The following SPAG16 variants were observed in gnomAD, a reference collection of about 807,000 sequenced individuals.
SPAG16 encodes sperm-associated antigen 16 protein.
SPAG16 carries 86 observed loss-of-function variants against 80.4 expected under a neutral mutation model. That is an observed-to-expected ratio of 1.07 (90% CI 0.90 to 1.28). The LOEUF (loss-of-function observed/expected upper bound fraction) is 1.28, where lower values mean the gene tolerates loss of function less well. Ranked by LOEUF, SPAG16 falls within the 50% of genes most tolerant of loss-of-function variation. The pLI, the probability that SPAG16 is intolerant of heterozygous loss-of-function variation, is 0.00. For missense variants in SPAG16, 870 were observed against 765.3 expected, an observed-to-expected ratio of 1.14 and a Z score of -1.61; for synonymous variants, 294 against 265.9, an observed-to-expected ratio of 1.11 and a Z score of -1.03.
chr2:213,906,482 C>A (rs2077439434), intron 11 of SPAG16, among the ~76,000 whole-genome samples: 1 of 152,058 alleles, frequency 6.6e-6, no homozygotes, highest in African/African-American at 2.4e-5. Flanking sequence ...TATCAAAATA[C>A]CAATTACATT....
chr2:213,934,165 T>G (rs893678792), intron 12 of SPAG16, among the ~76,000 whole-genome samples: 3 of 152,196 alleles, frequency 2.0e-5, no homozygotes, highest in African/African-American at 7.2e-5. Context: ...GGAACTTTCT[T>G]CAGTACCACG....
At chr2:213,820,266 G>A (rs1385901345) in intron 10 of SPAG16, among the ~76,000 whole-genome samples, 1 of 152,052 alleles carries the variant, frequency 6.6e-6, no homozygotes, top group Non-Finnish European at 1.5e-5. Context: ...GCAGAGATTG[G>A]GTTTTGCCAC....
intron 10 of SPAG16, among the ~76,000 whole-genome samples, chr2:213,601,050 A>G (rs2061043101): frequency 6.6e-6 from 1 of 152,188 alleles, no homozygotes; most frequent in Non-Finnish European, 1.5e-5. Flanking sequence ...AGGAGAGTAA[A>G]TGATTGTAGG....
rs144354010 is a variant in SPAG16, at chr2:214,040,948, A to G, written c.1527+26871A>G. Among the ~76,000 whole-genome samples, 301 of 152,108 alleles carry G rather than the reference A, an allele frequency of 2.0e-3. 1 individual carries two copies. The highest frequency in any genetic ancestry group is 7.0e-3 in the African/African-American group (292 of 41,538). The stretch of plus-strand genomic sequence containing the variant: ...TTAATTCTTTTCCATTATTTTACTT[A>G]TATTCCTTGGAGACTCCAGTTATAG... On this transcript the variant is annotated intron_variant, in intron 13 of 15. Transcript: ENST00000331683.
intron 15 of SPAG16, among the ~76,000 whole-genome samples, chr2:214,389,877 G>A (rs1318939163): frequency 6.6e-6 from 1 of 152,116 alleles, no homozygotes; most frequent in Non-Finnish European, 1.5e-5. Flanking sequence ...TCTTCAGTTA[G>A]GGCATTAGTC....
intron 14 of SPAG16, among the ~76,000 whole-genome samples, chr2:214,110,965 C>T (rs1339562114): frequency 1.3e-5 from 2 of 151,932 alleles, no homozygotes; most frequent in Non-Finnish European, 2.9e-5. Context: ...CCTTTGCCCA[C>T]TTTTTGATGG....
intron 5 of SPAG16, among the ~76,000 whole-genome samples, chr2:213,329,127 A>G (rs1193069724): frequency 2.0e-5 from 3 of 152,166 alleles, no homozygotes; most frequent in Non-Finnish European, 4.4e-5. Flanking sequence ...AGTCTCAGGT[A>G]TGTCTTTATC....
chr2:213,359,930 G>C (rs1037313015), intron 7 of SPAG16, among the ~76,000 whole-genome samples: 1 of 152,030 alleles, frequency 6.6e-6, no homozygotes, highest in African/African-American at 2.4e-5. Flanking sequence ...AAATTCTAAA[G>C]AGCTAATTTC....
intron 15 of SPAG16, among the ~76,000 whole-genome samples, chr2:214,218,265 G>T (rs563803146): frequency 6.6e-6 from 1 of 152,082 alleles, no homozygotes; most frequent in South Asian, 2.1e-4. Context: ...GAAAAGGGAC[G>T]GCCTCGAGGT....
chr2:213,285,830 G>T lies in SPAG16; in HGVS notation c.136+1211G>T, dbSNP rs2062034371. ...TATACTGTTTTCGTAGATGTAACAG[G>T]CAGTCTTTTCCAGTGATATTCCTCT... On this transcript the variant is annotated intron_variant, in intron 1 of 15. Coordinates refer to ENST00000331683, the MANE Select transcript of SPAG16 (RefSeq NM_024532.5). 14 of 1,114,136 alleles carry T rather than the reference G, an allele frequency of 1.3e-5. No individual in the cohort carries two copies. The South Asian group carries it at 1.4e-4, about 11-fold the overall frequency. The allele number at this position is 1,114,136 out of a possible 1,614,324, so 69.0% of individuals were successfully genotyped here. A position where few individuals can be genotyped will look rare whatever the true frequency, so the allele number is the denominator to read the frequency against.
At chr2:213,668,841 G>A (rs1399048733) in intron 10 of SPAG16, among the ~76,000 whole-genome samples, 1 of 151,972 alleles carries the variant, frequency 6.6e-6, no homozygotes, top group African/African-American at 2.4e-5. Context: ...GTAAAGACGG[G>A]GTTTCACTGT....
In SPAG16 at chr2:213,340,244, A is replaced by T. The variant is rs764922665; in HGVS notation, c.618A>T (p.Lys206Asn). 3.1e-6 allele frequency: 5 copies of T among 1,610,712 alleles called. No homozygotes were observed. The highest frequency in any genetic ancestry group is 3.4e-6 in the Non-Finnish European group (4 of 1,177,996). The change falls in exon 6 of 16, where the codon AAA becomes AAT. Residue 206 changes from lysine to asparagine, a missense_variant. Physicochemically the swap from Lys to Asn is moderately conservative, Grantham distance 94. Coordinates refer to ENST00000331683, the MANE Select transcript of SPAG16 (RefSeq NM_024532.5). ...ATCATAAGCGAATAGTCCAGGAAAA[A>T]AACAAATTAATTAATGACCTCAAAG... is the stretch of plus-strand genomic sequence containing the variant. ...RMHHKRIVQE[K>N]NKLINDLKGL...
chr2:213,422,250 G>A (rs1404079453), intron 9 of SPAG16: 2 of 701,962 alleles, frequency 2.8e-6, no homozygotes, highest in Non-Finnish European at 5.2e-6. Context: ...ATGTTTCCAA[G>A]CATCCAGACG....
chr2:213,292,685 C>CAACAACA lies in SPAG16; in HGVS notation c.137-3377_137-3376insCAACAAA, dbSNP rs1449000054. Among the ~76,000 whole-genome samples the CAACAACA allele has an allele frequency of 7.6e-4, 70 of 91,626 alleles. 1 individual carries two copies. The highest frequency in any genetic ancestry group is 3.3e-4 in the Non-Finnish European group (14 of 41,808). The allele number at this position is 91,626 out of a possible 152,430, so 60.1% of individuals were successfully genotyped here. A position where few individuals can be genotyped will look rare whatever the true frequency, so the allele number is the denominator to read the frequency against. ...TCTCAAAAAAAAAAAACAAAAAAAA[C>CAACAACA]AAAAAAAAACAAAACTATCAGAAAG... On this transcript the variant is annotated intron_variant, in intron 1 of 15. Transcript: ENST00000331683.
At chr2:214,213,257 G>T (rs1576509666) in intron 15 of SPAG16, among the ~76,000 whole-genome samples, 1 of 152,254 alleles carries the variant, frequency 6.6e-6, no homozygotes, top group East Asian at 1.9e-4. Context: ...TCTTAAAGCA[G>T]ACTGATTATC....
At chr2:213,938,416 A>G (rs2079073378) in intron 12 of SPAG16, among the ~76,000 whole-genome samples, 1 of 151,950 alleles carries the variant, frequency 6.6e-6, no homozygotes, top group Non-Finnish European at 1.5e-5. Context: ...TCACACATTT[A>G]TGTATATATA....
In SPAG16 at chr2:213,683,166, A is replaced by G. The variant is rs79159348; in HGVS notation, c.1071-179319A>G. Among the ~76,000 whole-genome samples the G allele has an allele frequency of 2.3e-3, 352 of 152,336 alleles. 1 individual carries two copies. The highest frequency in any genetic ancestry group is 7.8e-3 in the African/African-American group (326 of 41,562). On this transcript the variant is annotated intron_variant, in intron 10 of 15. Transcript: ENST00000331683. ...AAGTAAAACTCAAAGAATTAAAACAATAAAGTTTTCCTGGGAGAGGAAAAT... is the reference window on the plus strand; with the variant it reads ...AAGTAAAACTCAAAGAATTAAAACAGTAAAGTTTTCCTGGGAGAGGAAAAT...
intron 10 of SPAG16, among the ~76,000 whole-genome samples, chr2:213,597,614 G>C (rs2060926768): frequency 6.6e-6 from 1 of 151,976 alleles, no homozygotes; most frequent in Non-Finnish European, 1.5e-5. Flanking sequence ...ATTTACATAA[G>C]TGTCACTTTT....
At chr2:214,143,234 G>GTTTTTTTTTTTTTTTTTTTTTTGTTT (rs59910884) in intron 14 of SPAG16, among the ~76,000 whole-genome samples, 1 of 112,670 alleles carries the variant, frequency 8.9e-6, no homozygotes, top group African/African-American at 3.4e-5. Flanking sequence ...ATAGTTTTGG[G>GTTTTTTTTTTTTTTTTTTTTTTGTTT]TTTTTTTTTT....
Sources: allele counts gnomAD v4.1 joint callset (sites outside exome capture counted in the v4.1 genomes callset), GRCh38; gene constraint gnomAD v4.1.1; transcripts MANE v1.5; gene names NCBI Gene and HGNC (gene_info 2026-07-23, HGNC 2026-07-21).